The following SENP2 variants were observed in gnomAD, a reference collection of about 807,000 sequenced individuals.
SENP2 encodes SUMO specific peptidase 2.
In SENP2, 16 loss-of-function variants were observed where a neutral mutation model predicts 86.3. The ratio of observed to expected loss-of-function variants is 0.19; its 90% CI spans 0.13 to 0.28. The LOEUF is 0.28. Ranked by LOEUF, SENP2 falls within the 10% of genes least tolerant of loss-of-function variation. The pLI, the probability that SENP2 is intolerant of heterozygous loss-of-function variation, is 1.00. For synonymous variants in SENP2, 222 were observed against 238.7 expected (o/e 0.93, Z 0.64); for missense variants, 552 against 703.0 (o/e 0.79, Z 2.43).
intron 1 of SENP2, among the ~76,000 whole-genome samples, chr3:185,587,732 A>ATTTTTTT (rs59565990): frequency 0.042 from 3,017 of 72,570 alleles, 315 homozygotes; most frequent in South Asian, 0.19. Context: ...ATGCCCGGCT[A>ATTTTTTT]TTTTTTTTTT....
At chr3:185,599,809 CTTTT>C (rs63047860) in intron 4 of SENP2, among the ~76,000 whole-genome samples, 6 of 131,992 alleles carry the variant, frequency 4.5e-5, no homozygotes, top group South Asian at 4.8e-4. Context: ...TTCTTTCTTT[CTTTT>C]TTTTTTTTTT....
intron 14 of SENP2, among the ~76,000 whole-genome samples, chr3:185,622,540 A>C (rs1242292046): frequency 6.6e-6 from 1 of 152,162 alleles, no homozygotes; most frequent in African/African-American, 2.4e-5. Context: ...ATATTGTTTT[A>C]GTATAAAATA....
chr3:185,603,620 G>A (rs1015755079), intron 5 of SENP2, among the ~76,000 whole-genome samples: 5 of 152,108 alleles, frequency 3.3e-5, no homozygotes, highest in African/African-American at 1.2e-4. Flanking sequence ...ATTTGAATAC[G>A]GGCTACATAT....
chr3:185,598,035 CAG>C lies in SENP2; in HGVS notation c.158-374_158-373del, dbSNP rs1262918342. On this transcript the variant is annotated intron_variant, in intron 2 of 16. Coordinates refer to ENST00000296257, the MANE Select transcript of SENP2 (RefSeq NM_021627.3). ...TTTTTAAATTTTTGTTTTTCAGAGA[CAG>C]AGTCTCACTCTGTTGCCCAGGCTGG... 4.0e-5 allele frequency among the ~76,000 whole-genome samples: 6 copies of C among 151,718 alleles called. No homozygotes were observed. The East Asian group carries it at 1.2e-3, about 30-fold the overall frequency.
At chr3:185,613,588 T>C (rs1290845249) in intron 10 of SENP2, 180 bp downstream of exon 10, 2 of 406,500 alleles carry the variant, frequency 4.9e-6, no homozygotes, top group South Asian at 3.5e-5. Context: ...CCCAGAACTT[T>C]AGGAGGCCAA....
In SENP2 at chr3:185,592,011, C is replaced by CTTTTTTTT. The variant is rs149268515; in HGVS notation, c.157+1858_157+1865dup. On this transcript the variant is annotated intron_variant, in intron 2 of 16. Transcript: ENST00000296257. ...CTGTCTTTAAGAACCGGTAATATTT[C>CTTTTTTTT]TTTTTTTTTTTTTTTTTTTTTTTGA... 2.1e-3 allele frequency among the ~76,000 whole-genome samples: 141 copies of CTTTTTTTT among 65,800 alleles called. 22 individuals are homozygous for CTTTTTTTT. Among genetic ancestry groups the CTTTTTTTT allele is most frequent in the African/African-American group, 7.1e-3 (123 of 17,382 alleles). The allele number at this position is 65,800 out of a possible 152,430, so 43.2% of individuals were successfully genotyped here.
chr3:185,611,835 T>A, intron 8 of SENP2, 90 bp downstream of exon 8: 1 of 930,602 alleles, frequency 1.1e-6, no homozygotes, highest in Non-Finnish European at 1.6e-6. Context: ...CATTCAAGTG[T>A]AGATGGTGTA....
intron 14 of SENP2, among the ~76,000 whole-genome samples, chr3:185,622,943 A>G (rs777713059): frequency 6.6e-6 from 1 of 150,464 alleles, no homozygotes. Flanking sequence ...CGGCCTCCCA[A>G]GAAGCTGGGA....
At chr3:185,624,751 C>G in intron 15 of SENP2, among the ~76,000 whole-genome samples, 1 of 151,656 alleles carries the variant, frequency 6.6e-6, no homozygotes, top group Admixed American at 6.6e-5. Flanking sequence ...GCTTATAATC[C>G]TAGCTATTCA....
At chr3:185,590,900 C>T in intron 2 of SENP2, among the ~76,000 whole-genome samples, 1 of 130,044 alleles carries the variant, frequency 7.7e-6, no homozygotes, top group Admixed American at 8.0e-5. Flanking sequence ...AAGAAAGTCT[C>T]CTTTTTTTTT....
rs775726713 is a variant in SENP2 at position 185,611,656 on chromosome 3, AAAG to A, written c.732_734del (p.Arg244del). ...TCACTTTTTGTGTTTCTAAGTTCTC[AAAG>A]AAGTCAGATGGACACATTAAAGACC... On this transcript the variant is annotated inframe_deletion, in exon 8 of 17. Transcript: ENST00000296257. The A allele has an allele frequency of 4.2e-5, 67 of 1,611,632 alleles. No homozygotes were observed. The highest frequency in any genetic ancestry group is 5.4e-5 in the Non-Finnish European group (64 of 1,178,380).
In SENP2 at chr3:185,617,612, G is replaced by GT; in HGVS notation, c.1242+2dup. 1 of 1,612,232 alleles carries GT rather than the reference G, an allele frequency of 6.2e-7. No homozygotes were observed. Among genetic ancestry groups the GT allele is most frequent in the Non-Finnish European group, 8.5e-7 (1 of 1,179,084 alleles). On this transcript the variant is annotated splice_donor_variant, in intron 12 of 16. Transcript: ENST00000296257. ...GAACTATCACTGGCTCAATGATGAAGTAAGTTGTATTCCCTCCCCCTTTTG... is the reference window on the plus strand; with the variant it reads ...GAACTATCACTGGCTCAATGATGAAGTTAAGTTGTATTCCCTCCCCCTTTTG...
At chr3:185,605,484 T>A (rs376754622) in intron 5 of SENP2, among the ~76,000 whole-genome samples, 2 of 152,184 alleles carry the variant, frequency 1.3e-5, no homozygotes, top group East Asian at 1.9e-4. Context: ...AATTTTTCTC[T>A]TATAGCTTTT....
Position 185,586,500 on chromosome 3 carries a change from G to T in SENP2, c.87G>T (p.Arg29Ser). 6.2e-7 allele frequency: 1 copy of T among 1,613,334 alleles called. No individual in the cohort carries two copies. The part of the protein sequence containing the change: ...SVPPARALLK[R>S]RRSDSTLFST... ...CCCCTGCCCGGGCCCTCCTGAAGAGGCGGCGCTCAGACAGGTGAGACGAGA... is the reference window on the plus strand; with the variant it reads ...CCCCTGCCCGGGCCCTCCTGAAGAGTCGGCGCTCAGACAGGTGAGACGAGA... The change falls in exon 1 of 17, where the codon AGG becomes AGT. Residue 29 changes from arginine (R) to serine (S), a missense_variant. Physicochemically the swap from Arg to Ser is moderately radical, Grantham distance 110. Transcript: ENST00000296257. The surrounding 1 kb of genome is among the most constrained non-coding windows in gnomAD (Gnocchi z 4.3).
intron 2 of SENP2, among the ~76,000 whole-genome samples, chr3:185,590,830 T>TGCACTCC (rs1483940302): frequency 2.2e-4 from 18 of 80,992 alleles, no homozygotes; most frequent in African/African-American, 9.6e-4. Context: ...TACTGCACTC[T>TGCACTCC]GCACTCCAGC....
rs114802568 is a variant in SENP2 at position 185,599,313 on chromosome 3, A to T, written c.358+289A>T. Among the ~76,000 whole-genome samples, 468 of 152,274 alleles carry T rather than the reference A, an allele frequency of 3.1e-3. 4 individuals are homozygous for T. The highest frequency in any genetic ancestry group is 0.01 in the African/African-American group (432 of 41,562). On this transcript the variant is annotated intron_variant, in intron 4 of 16. Transcript: ENST00000296257. Reference sequence around the variant, plus strand: ...AAGCAAAAACATTTCCTGAGAACTTACTCTGTGCCGGGTGCTGTGCTTAAG... The same window carrying T: ...AAGCAAAAACATTTCCTGAGAACTTTCTCTGTGCCGGGTGCTGTGCTTAAG...
intron 5 of SENP2, among the ~76,000 whole-genome samples, chr3:185,605,231 C>T (rs1171779575): frequency 1.3e-5 from 2 of 151,292 alleles, no homozygotes; most frequent in African/African-American, 2.4e-5. Context: ...ATTAGCCGGG[C>T]GTGGTGGCAG....
intron 7 of SENP2, among the ~76,000 whole-genome samples, chr3:185,610,609 C>T (rs1489575410): frequency 1.3e-5 from 2 of 152,170 alleles, no homozygotes; most frequent in African/African-American, 2.4e-5. Flanking sequence ...GTATGTTTAA[C>T]GAACTCTTAA....
At chr3:185,607,710 G>C (rs1722564735) in intron 6 of SENP2, among the ~76,000 whole-genome samples, 1 of 151,904 alleles carries the variant, frequency 6.6e-6, no homozygotes, top group Admixed American at 6.6e-5. Context: ...TTTATATATA[G>C]AGATGGGATC....
Sources: gnomAD v4.1 joint callset for allele counts (sites outside exome capture counted in the v4.1 genomes callset) on GRCh38, gnomAD v4.1.1 for gene constraint, Gnocchi (gnomAD v3.1) non-coding constraint, MANE v1.5 for transcripts, NCBI Gene and HGNC (gene_info 2026-07-23, HGNC 2026-07-21) for gene names.